Variants in HAPLN1 observed in about 807,000 individuals in gnomAD.
HAPLN1 encodes hyaluronan and proteoglycan link protein 1.
A neutral mutation model predicts 36.5 loss-of-function variants in HAPLN1; 13 were observed. That is an observed-to-expected ratio of 0.36 (90% CI 0.23 to 0.57). HAPLN1 has a LOEUF of 0.57. HAPLN1 is among the 20% of genes least tolerant of loss of function. The pLI is 0.83. For synonymous variants in HAPLN1, 202 were observed against 169.8 expected (o/e 1.19, Z -1.48); for missense variants, 407 against 439.7 (o/e 0.93, Z 0.66).
intron 1 of HAPLN1, among the ~76,000 whole-genome samples, chr5:83,713,657 A>G (rs1580168377): frequency 6.6e-6 from 1 of 152,132 alleles, no homozygotes; most frequent in South Asian, 2.1e-4. Context: ...TCCTGTTGGC[A>G]CTTCTTCCTA....
intron 1 of HAPLN1, among the ~76,000 whole-genome samples, chr5:83,700,092 G>A (rs910953891): frequency 7.3e-5 from 11 of 151,652 alleles, no homozygotes; most frequent in Non-Finnish European, 1.6e-4. Flanking sequence ...TACTTGGGAG[G>A]CTGAGGCAGG....
chr5:83,669,319 C>A (rs373003147), intron 2 of HAPLN1, among the ~76,000 whole-genome samples: 2 of 151,956 alleles, frequency 1.3e-5, no homozygotes, highest in African/African-American at 4.8e-5. Context: ...GCCAACATTG[C>A]AAAACCCCGC....
intron 1 of HAPLN1, among the ~76,000 whole-genome samples, chr5:83,683,988 C>T (rs6891577): frequency 0.023 from 3,515 of 151,902 alleles, 135 homozygotes; most frequent in African/African-American, 0.08. Flanking sequence ...AAGCAGACTG[C>T]GGGGAGGAGG....
chr5:83,705,206 A>G (rs1341002812), intron 1 of HAPLN1, among the ~76,000 whole-genome samples: 1 of 152,114 alleles, frequency 6.6e-6, no homozygotes, highest in Non-Finnish European at 1.5e-5. Flanking sequence ...CCTGGCCAGC[A>G]TGGCAAAACC....
At chr5:83,714,165 C>G (rs1751861313) in intron 1 of HAPLN1, among the ~76,000 whole-genome samples, 2 of 152,078 alleles carry the variant, frequency 1.3e-5, no homozygotes, top group African/African-American at 4.8e-5. Context: ...ATTCGTATCT[C>G]CAAGCCAGCT....
intron 2 of HAPLN1, among the ~76,000 whole-genome samples, chr5:83,656,778 G>T (rs1409748160): frequency 6.6e-6 from 1 of 152,140 alleles, no homozygotes; most frequent in African/African-American, 2.4e-5. Flanking sequence ...CTGAACCGCT[G>T]GGGCCTCGTT....
At chr5:83,710,843 C>G (rs1189522355) in intron 1 of HAPLN1, among the ~76,000 whole-genome samples, 2 of 151,882 alleles carry the variant, frequency 1.3e-5, no homozygotes, top group Non-Finnish European at 2.9e-5. Flanking sequence ...CCCAGCTACT[C>G]TGGAGGGTGA....
chr5:83,669,107 G>A (rs932454912), intron 2 of HAPLN1, among the ~76,000 whole-genome samples: 7 of 152,202 alleles, frequency 4.6e-5, no homozygotes, highest in Middle Eastern at 3.4e-3. Context: ...TTAAAGTAGC[G>A]GATCTGTGCT....
chr5:83,660,346 T>C (rs1405808601), intron 2 of HAPLN1, among the ~76,000 whole-genome samples: 2 of 152,198 alleles, frequency 1.3e-5, no homozygotes, highest in African/African-American at 4.8e-5. Context: ...ATCACTATTT[T>C]GGAGCCTGGA....
At chr5:83,687,439 T>C (rs755178660) in intron 1 of HAPLN1, among the ~76,000 whole-genome samples, 12 of 152,236 alleles carry the variant, frequency 7.9e-5, no homozygotes, top group Admixed American at 4.6e-4. Flanking sequence ...GCTGGCATCA[T>C]GTTCAAAACA....
intron 1 of HAPLN1, 35 bp from the exon 2 acceptor site, chr5:83,673,584 A>G (rs1303171744): frequency 1.6e-6 from 2 of 1,245,258 alleles, no homozygotes; most frequent in Admixed American, 3.4e-5. Context: ...GGCTTGTGAG[A>G]TTTGGAACCC....
At chr5:83,718,158 G>A (rs979821938) in intron 1 of HAPLN1, among the ~76,000 whole-genome samples, 1 of 152,214 alleles carries the variant, frequency 6.6e-6, no homozygotes, top group African/African-American at 2.4e-5. Context: ...GAGGCGGAAA[G>A]TTAATGGTAA....
intron 1 of HAPLN1, among the ~76,000 whole-genome samples, chr5:83,695,581 T>G (rs931309558): frequency 3.4e-5 from 5 of 146,956 alleles, no homozygotes; most frequent in African/African-American, 4.9e-5. Flanking sequence ...TAAATATATA[T>G]AGAGATAAAT....
chr5:83,707,796 C>T (rs1258030001), intron 1 of HAPLN1, among the ~76,000 whole-genome samples: 1 of 152,112 alleles, frequency 6.6e-6, no homozygotes, highest in African/African-American at 2.4e-5. Flanking sequence ...AGTAAACAAC[C>T]TGCAGAATGG....
intron 1 of HAPLN1, among the ~76,000 whole-genome samples, chr5:83,718,364 G>C (rs1255850661): frequency 6.6e-6 from 1 of 152,074 alleles, no homozygotes; most frequent in African/African-American, 2.4e-5. Flanking sequence ...TTAAGAAGCC[G>C]GTGAGAAAGC....
intron 2 of HAPLN1, among the ~76,000 whole-genome samples, chr5:83,660,991 A>G (rs944206225): frequency 6.6e-6 from 1 of 152,258 alleles, no homozygotes. Flanking sequence ...AACAGCGTCT[A>G]TCTTCTACAC....
chr5:83,644,221 T>C (rs560328969), intron 4 of HAPLN1, 142 bp downstream of exon 4: 1 of 644,304 alleles, frequency 1.6e-6, no homozygotes, highest in South Asian at 6.4e-5. Flanking sequence ...AAGAACTTTT[T>C]ATATCTTTTT....
chr5:83,658,515 A>C (rs151291050), intron 2 of HAPLN1, among the ~76,000 whole-genome samples: 63 of 152,332 alleles, frequency 4.1e-4, no homozygotes, highest in African/African-American at 1.5e-3. Flanking sequence ...TAAAGACACC[A>C]TATTTAAGTA....
At chr5:83,643,842 A>G (rs1185530167) in intron 4 of HAPLN1, among the ~76,000 whole-genome samples, 1 of 152,238 alleles carries the variant, frequency 6.6e-6, no homozygotes, top group Non-Finnish European at 1.5e-5. Flanking sequence ...AATAAAATGA[A>G]TCAGTCATCA....
Sources: allele counts gnomAD v4.1 joint callset (sites outside exome capture counted in the v4.1 genomes callset), GRCh38; gene constraint gnomAD v4.1.1; transcripts MANE v1.5; gene names NCBI Gene and HGNC (gene_info 2026-07-23, HGNC 2026-07-21).